Variants in PCDHGB6 observed in about 807,000 individuals in gnomAD.
PCDHGB6 encodes the protein protocadherin gamma subfamily B, 6.
PCDHGB6 carries 51 observed loss-of-function variants against 59.1 expected under a neutral mutation model. That is an observed-to-expected ratio of 0.86 (90% CI 0.69 to 1.09). The LOEUF is 1.09. PCDHGB6 is among the 50% of genes least tolerant of loss of function. The pLI, the probability that PCDHGB6 is intolerant of heterozygous loss-of-function variation, is 0.00. For synonymous variants in PCDHGB6, 466 were observed against 495.1 expected (o/e 0.94, Z 0.78); for missense variants, 1,148 against 1,205.1 (o/e 0.95, Z 0.70).
At chr5:141,415,729 T>A in intron 1 of PCDHGB6, 1 of 1,442,780 alleles carries the variant, frequency 6.9e-7, no homozygotes, top group Non-Finnish European at 9.1e-7. Flanking sequence ...TAGAATTTGA[T>A]GTTTATTAAG....
intron 1 of PCDHGB6, chr5:141,416,995 T>G (rs912921234): frequency 2.0e-5 from 3 of 151,486 alleles, no homozygotes; most frequent in Non-Finnish European, 2.9e-5. Flanking sequence ...TGTGCATTCA[T>G]CTCAAATAAT....
chr5:141,424,519 A>T (rs1216899186), intron 1 of PCDHGB6: 1 of 152,222 alleles, frequency 6.6e-6, no homozygotes, highest in African/African-American at 2.4e-5. Context: ...TTAATGTAGT[A>T]AATCCATATA....
chr5:141,457,944 C>A (rs761151349), intron 1 of PCDHGB6, among the ~76,000 whole-genome samples: 33 of 152,310 alleles, frequency 2.2e-4, no homozygotes, highest in Non-Finnish European at 4.6e-4. Context: ...ATTGGCTCTG[C>A]ATGTCAAGCT....
chr5:141,478,271 A>G, intron 1 of PCDHGB6: 1 of 1,614,170 alleles, frequency 6.2e-7, no homozygotes, highest in Non-Finnish European at 8.5e-7. Flanking sequence ...CAAAGTTTAC[A>G]AGTGGAAGCA....
intron 1 of PCDHGB6, among the ~76,000 whole-genome samples, chr5:141,450,061 C>A (rs1219642208): frequency 7.2e-6 from 1 of 139,334 alleles, no homozygotes; most frequent in Non-Finnish European, 1.5e-5. Context: ...GGCTGGAATG[C>A]AGTGGTATGA....
chr5:141,437,058 T>C (rs539776847), intron 1 of PCDHGB6, among the ~76,000 whole-genome samples: 2 of 152,246 alleles, frequency 1.3e-5, no homozygotes, highest in Non-Finnish European at 2.9e-5. Context: ...CTGGTGATCA[T>C]TATTTGGTTT....
intron 1 of PCDHGB6, chr5:141,441,799 G>C (rs546770596): frequency 2.6e-6 from 1 of 385,350 alleles, no homozygotes; most frequent in Non-Finnish European, 5.2e-6. Context: ...AACGCACCGC[G>C]GGTGCTGTAC....
chr5:141,426,104 A>T (rs2096915289), intron 1 of PCDHGB6, among the ~76,000 whole-genome samples: 1 of 152,258 alleles, frequency 6.6e-6, no homozygotes, highest in Non-Finnish European at 1.5e-5. Flanking sequence ...GTTCAGTCAC[A>T]GAAGCAAGTC....
At chr5:141,507,286 TC>T in intron 3 of PCDHGB6, 1 of 149,886 alleles carries the variant, frequency 6.7e-6, no homozygotes, top group East Asian at 1.9e-4. Context: ...TAAGTCAGTC[TC>T]AAATGTTGCA....
intron 1 of PCDHGB6, among the ~76,000 whole-genome samples, chr5:141,474,684 T>A (rs1302389621): frequency 6.6e-6 from 1 of 152,246 alleles, no homozygotes; most frequent in Non-Finnish European, 1.5e-5. Context: ...TGCCTACCCC[T>A]TCACTTATGT....
rs576464275 is a variant in PCDHGB6, at chr5:141,448,784, CA to C, written c.2418+38175del. ...TGAAACCCCGTCTGTACTAAAAATA[CA>C]AAAAAAAAAATTAGCCAGGCGTGAT... On this transcript the variant is annotated intron_variant, in intron 1 of 3. Coordinates refer to ENST00000520790, the MANE Select transcript of PCDHGB6 (RefSeq NM_018926.3). Among the ~76,000 whole-genome samples, 323 of 145,522 alleles carry C rather than the reference CA, an allele frequency of 2.2e-3. 2 individuals are homozygous for C. The highest frequency in any genetic ancestry group is 5.9e-3 in the African/African-American group (238 of 40,012).
rs766092387 is a variant in PCDHGB6 at position 141,491,171 on chromosome 5, T to C, written c.2419-3636T>C. 7.4e-6 allele frequency: 12 copies of C among 1,613,968 alleles called. No individual in the cohort carries two copies. The highest frequency in any genetic ancestry group is 1.3e-5 in the African/African-American group (1 of 74,904). On this transcript the variant is annotated intron_variant, in intron 1 of 3. Coordinates refer to ENST00000520790, the MANE Select transcript of PCDHGB6 (RefSeq NM_018926.3). The surrounding 1 kb of genome is among the most constrained non-coding windows in gnomAD (Gnocchi z 6.9). The stretch of plus-strand genomic sequence containing the variant: ...GAGGATGACTCTGACACCCAGCAGG[T>C]GGTGGTCCTGGTGAGGGACAATGGT...
chr5:141,449,588 C>CAAA (rs768743917), intron 1 of PCDHGB6, among the ~76,000 whole-genome samples: 1 of 57,476 alleles, frequency 1.7e-5, no homozygotes, highest in East Asian at 5.2e-4. Context: ...GACTCTGTCT[C>CAAA]AAAAAAAAAA....
chr5:141,432,133 C>G lies in PCDHGB6; in HGVS notation c.2418+21513C>G. ...CGGTCTTCCCTCAGGCCTCCTATTC[C>G]GCTTATATCCCAGAGAACAATCCCA... On this transcript the variant is annotated intron_variant, in intron 1 of 3. Transcript: ENST00000520790. The surrounding 1 kb of genome is among the most constrained non-coding windows in gnomAD (Gnocchi z 6.0). 1 of 1,614,142 alleles carries G rather than the reference C, an allele frequency of 6.2e-7. No homozygotes were observed. The highest frequency in any genetic ancestry group is 1.1e-5 in the South Asian group (1 of 91,070).
intron 1 of PCDHGB6, chr5:141,412,334 T>C (rs371361193): frequency 2.0e-5 from 3 of 152,262 alleles, no homozygotes; most frequent in Admixed American, 1.3e-4. Flanking sequence ...GCAACTGTAA[T>C]ATATGTTCAT....
Position 141,490,849 on chromosome 5 carries a change from C to A in PCDHGB6, c.2419-3958C>A, listed in dbSNP as rs200640560. The A allele has an allele frequency of 6.2e-7, 1 of 1,613,748 alleles. No individual in the cohort carries two copies. Among genetic ancestry groups the A allele is most frequent in the Non-Finnish European group, 8.5e-7 (1 of 1,179,862 alleles). On this transcript the variant is annotated intron_variant, in intron 1 of 3. Coordinates refer to ENST00000520790, the MANE Select transcript of PCDHGB6 (RefSeq NM_018926.3). This position sits in a 1 kb window ranked among gnomAD's most constrained non-coding sequence, Gnocchi z 5.4. ...GATGCTGCAGATTGTGGTGGGGGTT[C>A]GAGACTCCGGCTCTCCCCCATTGCA...
intron 1 of PCDHGB6, among the ~76,000 whole-genome samples, chr5:141,462,941 G>A (rs1667222225): frequency 6.6e-6 from 1 of 152,158 alleles, no homozygotes; most frequent in Non-Finnish European, 1.5e-5. Flanking sequence ...TTCAAGGCTT[G>A]TTTTTAAGCT....
Position 141,409,484 on chromosome 5 carries a change from G to A in PCDHGB6, c.1282G>A (p.Gly428Ser). 1 of 1,613,974 alleles carries A rather than the reference G, an allele frequency of 6.2e-7. No homozygotes were observed. Among genetic ancestry groups the A allele is most frequent in the Non-Finnish European group, 8.5e-7 (1 of 1,179,884 alleles). ...TGTCACCATCGTAGCCACTGACAGG[G>A]GCAAGCCGCCTCTTTCTTCCAGTAG... ...YNVTIVATDR[G>S]KPPLSSSRSI... The change falls in exon 1 of 4, where the codon GGC becomes AGC. Residue 428 changes from glycine (G) to serine (S), a missense_variant. Coordinates refer to ENST00000520790, the MANE Select transcript of PCDHGB6 (RefSeq NM_018926.3).
In PCDHGB6 at chr5:141,476,291, G is replaced by T. The variant is rs1385060012; in HGVS notation, c.2419-18516G>T. The stretch of plus-strand genomic sequence containing the variant: ...GGTCGCGAACCTTGGTTTGGATCTC[G>T]GTAGCCTCTCAGCCCGCAGGTTCCG... On this transcript the variant is annotated intron_variant, in intron 1 of 3. Coordinates refer to ENST00000520790, the MANE Select transcript of PCDHGB6 (RefSeq NM_018926.3). This position sits in a 1 kb window ranked among gnomAD's most constrained non-coding sequence, Gnocchi z 7.6. 4 of 1,614,128 alleles carry T rather than the reference G, an allele frequency of 2.5e-6. No homozygotes were observed. Among genetic ancestry groups the T allele is most frequent in the South Asian group, 1.1e-5 (1 of 91,072 alleles).
Sources: gnomAD v4.1 joint callset for allele counts (sites outside exome capture counted in the v4.1 genomes callset) on GRCh38, gnomAD v4.1.1 for gene constraint, Gnocchi (gnomAD v3.1) non-coding constraint, MANE v1.5 for transcripts, NCBI Gene and HGNC (gene_info 2026-07-23, HGNC 2026-07-21) for gene names.